AGBL1: variants seen among roughly 807,000 people sequenced by gnomAD.
AGBL1 encodes AGBL carboxypeptidase 1.
AGBL1 carries 130 observed loss-of-function variants against 118.9 expected under a neutral mutation model. That is an observed-to-expected ratio of 1.09 (90% confidence interval 0.95 to 1.26). AGBL1 has a LOEUF of 1.26. Among genes scored for constraint, AGBL1 ranks in the 50% most tolerant of loss-of-function variants. The probability of loss-of-function intolerance (pLI) is 0.00; values close to 1 mark genes in which losing one functional copy is unlikely to be tolerated. For missense variants in AGBL1, 1,584 were observed against 1,298.1 expected (o/e 1.22, Z -3.38); for synonymous variants, 555 against 478.9 (o/e 1.16, Z -2.08).
intron 21 of AGBL1, among the ~76,000 whole-genome samples, chr15:86,643,797 C>T (rs552038894): frequency 6.6e-6 from 1 of 152,018 alleles, no homozygotes; most frequent in African/African-American, 2.4e-5. Context: ...TTTATTTATG[C>T]AGGTTTACAT....
At chr15:86,746,137 T>C (rs1490341850) in intron 22 of AGBL1, among the ~76,000 whole-genome samples, 2 of 152,090 alleles carry the variant, frequency 1.3e-5, no homozygotes, top group Non-Finnish European at 2.9e-5. Context: ...CACCACACTG[T>C]AGCCCAAGAG....
chr15:87,009,260 C>T (rs1454788188), intron 24 of AGBL1, among the ~76,000 whole-genome samples: 1 of 152,094 alleles, frequency 6.6e-6, no homozygotes, highest in Non-Finnish European at 1.5e-5. Context: ...CTACTCCAGC[C>T]ATGACTAAAA....
intron 21 of AGBL1, among the ~76,000 whole-genome samples, chr15:86,564,108 T>C (rs2083874584): frequency 6.6e-6 from 1 of 152,216 alleles, no homozygotes; most frequent in African/African-American, 2.4e-5. Context: ...TGTCTTTTAA[T>C]TGGAGAATTT....
chr15:86,256,756 T>G, intron 7 of AGBL1, 97 bp from the exon 8 acceptor site: 1 of 1,213,336 alleles, frequency 8.2e-7, no homozygotes, highest in Admixed American at 2.2e-5. Flanking sequence ...GCTAGGAGAC[T>G]GTGCTGTGTT....
In AGBL1 at chr15:86,114,559, G is replaced by A. The variant is rs190337752; in HGVS notation, c.52-27445G>A. ...TAGATATTGTACTTCCATGATGGGAGTCCCTTTCCAAGATTTTAACCTCTA... is the reference window on the plus strand; with the variant it reads ...TAGATATTGTACTTCCATGATGGGAATCCCTTTCCAAGATTTTAACCTCTA... On this transcript the variant is annotated intron_variant, in intron 1 of 22. Transcript: ENST00000614907. Among the ~76,000 whole-genome samples the A allele has an allele frequency of 2.6e-5, 4 of 152,350 alleles. No homozygotes were observed. In the East Asian group the frequency reaches 7.7e-4, roughly 29 times the overall value.
At chr15:86,319,305 G>C (rs2080067373) in intron 17 of AGBL1, among the ~76,000 whole-genome samples, 1 of 152,206 alleles carries the variant, frequency 6.6e-6, no homozygotes, top group African/African-American at 2.4e-5. Context: ...GTGAATGAGA[G>C]TTGCTCTACA....
chr15:86,186,476 G>A (rs1290121534), intron 5 of AGBL1, among the ~76,000 whole-genome samples: 2 of 152,224 alleles, frequency 1.3e-5, no homozygotes, highest in African/African-American at 2.4e-5. Context: ...CAATGTCAGT[G>A]TAAAGATTGT....
chr15:86,161,936 C>A (rs961042), intron 5 of AGBL1, among the ~76,000 whole-genome samples: 28,683 of 152,112 alleles, frequency 0.19, 3,265 homozygotes, highest in East Asian at 0.39. Flanking sequence ...TGGGCAATAA[C>A]AAATAATGTG....
chr15:86,619,417 G>T (rs906051683), intron 21 of AGBL1, among the ~76,000 whole-genome samples: 1 of 152,136 alleles, frequency 6.6e-6, no homozygotes, highest in Non-Finnish European at 1.5e-5. Context: ...AAAACAAAAT[G>T]AAAAGTTCAG....
chr15:86,851,459 A>G (rs1213696052), intron 22 of AGBL1, among the ~76,000 whole-genome samples: 1 of 152,210 alleles, frequency 6.6e-6, no homozygotes, highest in Non-Finnish European at 1.5e-5. Context: ...TTCCCTGGGC[A>G]TTGAGAACAG....
Position 86,986,204 on chromosome 15 carries a change from G to A in AGBL1, c.3222-1783G>A, listed in dbSNP as rs985104765. ...CTCCCAAAGTGCTAGGATTACAGGC[G>A]TGAGCCACGGCGCCCGGCCAGGATA... On this transcript the variant is annotated intron_variant, in intron 23 of 24. Transcript: ENST00000441037. Among the ~76,000 whole-genome samples, 12 of 152,240 alleles carry A rather than the reference G, an allele frequency of 7.9e-5. No homozygotes were observed. In the South Asian group the frequency reaches 8.3e-4, roughly 11 times the overall value.
chr15:86,256,848 C>T lies in AGBL1; in HGVS notation c.736-5C>T, dbSNP rs1597633668. On this transcript the variant is annotated splice_region_variant and splice_polypyrimidine_tract_variant and intron_variant, in intron 7 of 22. Transcript: ENST00000614907. ...GGCATCTGATATAATCTTCCCTTTGCTCAGAACTGCCTGGATGACAAGAGC... is the reference window on the plus strand; with the variant it reads ...GGCATCTGATATAATCTTCCCTTTGTTCAGAACTGCCTGGATGACAAGAGC... 12 of 1,613,516 alleles carry T rather than the reference C, an allele frequency of 7.4e-6. No homozygotes were observed. Among genetic ancestry groups the T allele is most frequent in the Non-Finnish European group, 1.0e-5 (12 of 1,179,768 alleles).
intron 22 of AGBL1, among the ~76,000 whole-genome samples, chr15:86,815,282 G>T (rs1479303077): frequency 6.6e-6 from 1 of 152,016 alleles, no homozygotes; most frequent in Non-Finnish European, 1.5e-5. Flanking sequence ...TTAAAATTGG[G>T]GGATATTTAA....
intron 17 of AGBL1, among the ~76,000 whole-genome samples, chr15:86,339,824 G>C (rs966092709): frequency 2.0e-5 from 3 of 152,074 alleles, no homozygotes; most frequent in African/African-American, 7.2e-5. Context: ...AAAATTAGCT[G>C]GGCGTAGTGG....
chr15:86,431,443 A>G (rs1237462577), intron 18 of AGBL1, among the ~76,000 whole-genome samples: 3 of 152,216 alleles, frequency 2.0e-5, no homozygotes, highest in Admixed American at 6.5e-5. Flanking sequence ...GTCTGTTACC[A>G]TATACATTTC....
chr15:86,365,024 T>C (rs1048509083), intron 17 of AGBL1, among the ~76,000 whole-genome samples: 4 of 135,176 alleles, frequency 3.0e-5, no homozygotes, highest in African/African-American at 1.2e-4. Flanking sequence ...CACATATATA[T>C]ATACACACAC....
At chr15:86,129,007 A>G (rs2076784744) in intron 1 of AGBL1, among the ~76,000 whole-genome samples, 2 of 152,220 alleles carry the variant, frequency 1.3e-5, no homozygotes, top group Non-Finnish European at 2.9e-5. Flanking sequence ...ATTGGGGAGA[A>G]CACTGACAAT....
At chr15:86,549,900 G>T (rs944654328) in intron 20 of AGBL1, among the ~76,000 whole-genome samples, 2 of 146,666 alleles carry the variant, frequency 1.4e-5, no homozygotes, top group Non-Finnish European at 1.5e-5. Flanking sequence ...GAGGGAGGGA[G>T]GGAGGAAGGA....
At position 86,324,442 on chromosome 15, in the gene AGBL1, A is replaced by G. The variant is rs140196280; in HGVS notation, c.2374+29034A>G. ...TAGGCTTAGGAATCATAGTGAGTGA[A>G]GGTCCACTGATGTGAGGCAGCTGTG... is the stretch of plus-strand genomic sequence containing the variant. On this transcript the variant is annotated intron_variant, in intron 17 of 22. Coordinates refer to ENST00000614907, the MANE Select transcript of AGBL1 (RefSeq NM_001386094.1). 3.2e-3 allele frequency among the ~76,000 whole-genome samples: 494 copies of G among 152,324 alleles called. 2 individuals are homozygous for G. Among genetic ancestry groups the G allele is most frequent in the African/African-American group, 0.011 (471 of 41,572 alleles).
Sources: gnomAD v4.1 joint callset for allele counts (sites outside exome capture counted in the v4.1 genomes callset) on GRCh38, gnomAD v4.1.1 for gene constraint, MANE v1.5 for transcripts, NCBI Gene and HGNC (gene_info 2026-07-23, HGNC 2026-07-21) for gene names.